Variants in SLC50A1 observed in about 807,000 individuals in gnomAD.
SLC50A1 encodes the protein solute carrier family 50 member 1.
SLC50A1 carries 22 observed loss-of-function variants against 28.9 expected under a neutral mutation model. The observed-to-expected ratio is 0.76, with a 90% CI of 0.54 to 1.09. SLC50A1 has a LOEUF of 1.09. Ranked by LOEUF, SLC50A1 falls within the 50% of genes least tolerant of loss-of-function variation. The pLI is 0.00. For missense variants in SLC50A1, 233 were observed against 273.4 expected (o/e 0.85, Z 1.04); for synonymous variants, 96 against 110.6 (o/e 0.87, Z 0.83).
chr1:155,136,263 C>T, intron 1 of SLC50A1, 36 bp from the exon 2 acceptor site: 4 of 1,081,774 alleles, frequency 3.7e-6, no homozygotes, highest in Non-Finnish European at 5.6e-6. Flanking sequence ...CTTCTCCCTT[C>T]CCACCCCCAC....
chr1:155,136,288 C>T lies in SLC50A1; in HGVS notation c.81-11C>T. ...CCCACCCCCACCCCTCCCTTCGGGG[C>T]CCCATTACAGCTCGGACCTCAGGCA... On this transcript the variant is annotated splice_polypyrimidine_tract_variant and intron_variant, in intron 1 of 5. Transcript: ENST00000368404. 1.3e-6 allele frequency: 2 copies of T among 1,587,736 alleles called. No homozygotes were observed. Among genetic ancestry groups the T allele is most frequent in the Non-Finnish European group, 1.7e-6 (2 of 1,161,638 alleles).
rs892622007 is a variant in SLC50A1, at chr1:155,138,415, G to C, written c.*134G>C. The stretch of plus-strand genomic sequence containing the variant: ...ACAAGAGATGACTTTGAGGATAAAA[G>C]GACCAAAGAAAAAGCTTTACTTAGA... On this transcript the variant is annotated 3_prime_UTR_variant, in exon 6 of 6. Transcript: ENST00000368404. The C allele has an allele frequency of 5.3e-6, 4 of 750,208 alleles. No individual in the cohort carries two copies. Among genetic ancestry groups the C allele is most frequent in the Admixed American group, 5.6e-5 (2 of 35,892 alleles). 46.5% of individuals were successfully genotyped at this position (750,208 alleles called of 1,614,324 possible).
chr1:155,138,245 G>C lies in SLC50A1; in HGVS notation c.630G>C (p.Gln210His). ...IRFWLFWKYP[Q>H]EQDRNYWLLQ... ...TCTGGCTTTTCTGGAAGTACCCCCA[G>C]GAGCAAGACAGGAACTACTGGCTCC... Residue 210 changes from glutamine (Q) to histidine (H), a missense_variant, in exon 6 of 6, where the codon CAG becomes CAC. Gln to His is a conservative substitution (Grantham distance 24). Transcript: ENST00000368404. 1 of 1,614,172 alleles carries C rather than the reference G, an allele frequency of 6.2e-7. No homozygotes were observed.
chr1:155,135,763 G>A (rs985841520), upstream of SLC50A1: 8 of 1,550,002 alleles, frequency 5.2e-6, no homozygotes, highest in African/African-American at 6.8e-5. Context: ...TGGGGCTTCG[G>A]CGCAGTTTCC....
chr1:155,136,415 A>G lies in SLC50A1; in HGVS notation c.158+39A>G, dbSNP rs759757333. ...GGCTGCGGTAGTGGGAAAGGCTACC[A>G]GAGGGAGGTGGGGGCGGGGCAGGAG... On this transcript the variant is annotated intron_variant, in intron 2 of 5. Transcript: ENST00000368404. 8.0e-6 allele frequency: 12 copies of G among 1,499,516 alleles called. No homozygotes were observed. The South Asian group carries it at 1.4e-4, about 17-fold the overall frequency. The allele number at this position is 1,499,516 out of a possible 1,614,324, so 92.9% of individuals were successfully genotyped here.
Position 155,135,888 on chromosome 1 carries a change from G to C in SLC50A1, c.-24G>C. 1.2e-6 allele frequency: 2 copies of C among 1,608,714 alleles called. No homozygotes were observed. The highest frequency in any genetic ancestry group is 1.7e-6 in the Non-Finnish European group (2 of 1,178,072). ...ACCGCAGGCTCGCGGCGGGCGCTGG[G>C]CGCGGGATCCGACTCTAGTCGTAAT... On this transcript the variant is annotated 5_prime_UTR_variant, in exon 1 of 6. Coordinates refer to ENST00000368404, the MANE Select transcript of SLC50A1 (RefSeq NM_018845.4).
In SLC50A1 at chr1:155,138,459, G is replaced by A; in HGVS notation, c.*178G>A. 1.7e-6 allele frequency: 1 copy of A among 600,662 alleles called. No homozygotes were observed. The highest frequency in any genetic ancestry group is 2.8e-5 in the East Asian group (1 of 35,990). 37.2% of individuals were successfully genotyped at this position (600,662 alleles called of 1,614,324 possible). A position where few individuals can be genotyped will look rare whatever the true frequency, so the allele number is the denominator to read the frequency against. ...ACTTAGATGATTGATTGGGGCCTAGGAGATGAAATCACTTTTTATTTTTTA... is the reference window on the plus strand; with the variant it reads ...ACTTAGATGATTGATTGGGGCCTAGAAGATGAAATCACTTTTTATTTTTTA... On this transcript the variant is annotated 3_prime_UTR_variant, in exon 6 of 6. Transcript: ENST00000368404.
intron 4 of SLC50A1, 40 bp downstream of exon 4, chr1:155,137,762 C>A: frequency 6.2e-7 from 1 of 1,610,496 alleles, no homozygotes; most frequent in South Asian, 1.1e-5. Flanking sequence ...AGATAAGAGT[C>A]AGGCTCTCAT....
At chr1:155,137,951 C>G in intron 4 of SLC50A1, 28 bp from the exon 5 acceptor site, 4 of 1,614,036 alleles carry the variant, frequency 2.5e-6, no homozygotes, top group Non-Finnish European at 3.4e-6. Context: ...GTGCTTGGGC[C>G]AAGAGAGTCT....
rs1664631903 is a variant in SLC50A1, at chr1:155,138,534, G to A, written c.*253G>A. 2.1e-6 allele frequency: 1 copy of A among 481,554 alleles called. No homozygotes were observed. Among genetic ancestry groups the A allele is most frequent in the Non-Finnish European group, 3.7e-6 (1 of 269,048 alleles). The allele number at this position is 481,554 out of a possible 1,614,324, so 29.8% of individuals were successfully genotyped here. A position where few individuals can be genotyped will look rare whatever the true frequency, so the allele number is the denominator to read the frequency against. On this transcript the variant is annotated 3_prime_UTR_variant, in exon 6 of 6. Coordinates refer to ENST00000368404, the MANE Select transcript of SLC50A1 (RefSeq NM_018845.4). ...GGTTGGGGTGCAATCTTTAGAATAT[G>A]CCTTAAAAGGCCGGGCGCGGTGGCT...
chr1:155,135,732 G>A (rs1664396435), upstream of SLC50A1: 6 of 1,549,488 alleles, frequency 3.9e-6, no homozygotes, highest in Admixed American at 2.0e-5. Flanking sequence ...CGCGAGTTCC[G>A]GTTCGGCGTC....
intron 2 of SLC50A1, 189 bp from the exon 3 acceptor site, chr1:155,136,639 A>T (rs1664499614): frequency 1.2e-6 from 1 of 849,992 alleles, no homozygotes; most frequent in Non-Finnish European, 1.8e-6. Flanking sequence ...GCTACTCGGG[A>T]GGCTGAGGCA....
intron 4 of SLC50A1, 80 bp from the exon 5 acceptor site, chr1:155,137,899 C>T: frequency 6.2e-7 from 1 of 1,608,584 alleles, no homozygotes. Context: ...GGTGTCTGAC[C>T]TTTTTCTTGA....
chr1:155,136,012 G>C lies in SLC50A1; in HGVS notation c.80+21G>C, dbSNP rs1339663573. 6 of 1,613,396 alleles carry C rather than the reference G, an allele frequency of 3.7e-6. No homozygotes were observed. In the African/African-American group the frequency reaches 6.7e-5, roughly 18 times the overall value. On this transcript the variant is annotated intron_variant, in intron 1 of 5. Transcript: ENST00000368404. ...GGCCTGTGAGAGTGCGGCCGGGCTG[G>C]GTTGGGGAGGACTAGGCAGTCAGGA...
In SLC50A1 at chr1:155,137,504, C is replaced by T; in HGVS notation, c.283-57C>T. Reference sequence around the variant, plus strand: ...CACTGGAGAAGGCAGGATGAATTAACTCTAGCAGGGAAGTCAGAGTGCACA... The same window carrying T: ...CACTGGAGAAGGCAGGATGAATTAATTCTAGCAGGGAAGTCAGAGTGCACA... On this transcript the variant is annotated intron_variant, in intron 3 of 5. Transcript: ENST00000368404. 6 of 1,603,228 alleles carry T rather than the reference C, an allele frequency of 3.7e-6. No homozygotes were observed. The South Asian group carries it at 6.7e-5, about 18-fold the overall frequency.
At chr1:155,135,717 A>G (rs376567324), upstream of SLC50A1, 2 of 1,549,258 alleles carry the variant, frequency 1.3e-6, no homozygotes, top group Non-Finnish European at 1.7e-6. Flanking sequence ...CTCGGAGGAG[A>G]GGGGCGCGAG....
In SLC50A1 at chr1:155,136,307, T is replaced by C. The variant is rs767874793; in HGVS notation, c.89T>C (p.Leu30Pro). Residue 30 changes from leucine (L) to proline (P), a missense_variant, in exon 2 of 6, where the codon CTC becomes CCC. Leu to Pro is a moderately conservative substitution (Grantham distance 98). Coordinates refer to ENST00000368404, the MANE Select transcript of SLC50A1 (RefSeq NM_018845.4). ...LGMFSAGLSD[L>P]RHMRMTRSVD... ...TCGGGGCCCCATTACAGCTCGGACC[T>C]CAGGCACATGCGAATGACCCGGAGT... The C allele has an allele frequency of 1.9e-6, 3 of 1,593,914 alleles. No individual in the cohort carries two copies. In the East Asian group the frequency reaches 6.7e-5, roughly 36 times the overall value.
chr1:155,138,442 G>C lies in SLC50A1; in HGVS notation c.*161G>C. On this transcript the variant is annotated 3_prime_UTR_variant, in exon 6 of 6. Coordinates refer to ENST00000368404, the MANE Select transcript of SLC50A1 (RefSeq NM_018845.4). ...ACCAAAGAAAAAGCTTTACTTAGAT[G>C]ATTGATTGGGGCCTAGGAGATGAAA... is the stretch of plus-strand genomic sequence containing the variant. 1.6e-6 allele frequency: 1 copy of C among 641,228 alleles called. No homozygotes were observed. Among genetic ancestry groups the C allele is most frequent in the East Asian group, 2.7e-5 (1 of 36,624 alleles). 39.7% of individuals were successfully genotyped at this position (641,228 alleles called of 1,614,324 possible). A position where few individuals can be genotyped will look rare whatever the true frequency, so the allele number is the denominator to read the frequency against.
In SLC50A1 at chr1:155,138,270, C is replaced by T. The variant is rs760835076; in HGVS notation, c.655C>T (p.Leu219=). 6.2e-7 allele frequency: 1 copy of T among 1,614,024 alleles called. No homozygotes were observed. The highest frequency in any genetic ancestry group is 8.5e-7 in the Non-Finnish European group (1 of 1,180,008). Residue 219 remains leucine (L), a synonymous_variant, in exon 6 of 6, where the codon CTG becomes TTG. Coordinates refer to ENST00000368404, the MANE Select transcript of SLC50A1 (RefSeq NM_018845.4). ...PQEQDRNYWL[L]QT Reference sequence around the variant, plus strand: ...GGAGCAAGACAGGAACTACTGGCTCCTGCAAACCTGAGGCTGCTCATCTGA... The same window carrying T: ...GGAGCAAGACAGGAACTACTGGCTCTTGCAAACCTGAGGCTGCTCATCTGA...
Sources: gnomAD v4.1 joint callset for allele counts on GRCh38, gnomAD v4.1.1 for gene constraint, MANE v1.5 for transcripts, NCBI Gene and HGNC (gene_info 2026-07-23, HGNC 2026-07-21) for gene names.